GRAMD2B: variants seen among roughly 807,000 people sequenced by gnomAD.
The protein encoded by GRAMD2B is GRAM domain containing 2B.
In GRAMD2B, 41 loss-of-function variants were observed where a neutral mutation model predicts 59.2. The observed-to-expected ratio is 0.69, with a 90% CI of 0.54 to 0.90. The LOEUF is 0.90. Among genes scored for constraint, GRAMD2B ranks in the 40% least tolerant of loss-of-function variants. GRAMD2B has a pLI of 0.00. For missense variants in GRAMD2B, 424 were observed against 500.5 expected (o/e 0.85, Z 1.46); for synonymous variants, 161 against 182.7 (o/e 0.88, Z 0.96).
intron 1 of GRAMD2B, chr5:126,458,888 G>A (rs764187173): frequency 4.6e-5 from 7 of 152,152 alleles, no homozygotes; most frequent in African/African-American, 7.2e-5. Context: ...CTTATCCCCC[G>A]TTGATGCCTA....
intron 1 of GRAMD2B, 74 bp downstream of exon 1, chr5:126,423,763 A>T (rs1760080340): frequency 6.9e-7 from 1 of 1,451,078 alleles, no homozygotes; most frequent in Admixed American, 2.6e-5. Context: ...CCCGGGACGC[A>T]TTTTGGGTGG....
intron 1 of GRAMD2B, among the ~76,000 whole-genome samples, chr5:126,447,365 G>A (rs542536751): frequency 6.0e-4 from 91 of 152,288 alleles, no homozygotes; most frequent in African/African-American, 2.0e-3. Context: ...CCCTGGGCTA[G>A]AAATCAGAAA....
exon 1 of GRAMD2B, chr5:126,371,515 A>T (rs567069689): frequency 2.3e-6 from 3 of 1,289,270 alleles, no homozygotes; most frequent in African/African-American, 1.5e-5. Context: ...AAGGAAGGCC[A>T]ACGTGGAGGC....
upstream of GRAMD2B, among the ~76,000 whole-genome samples, chr5:126,367,599 TATA>T (rs1203317851): frequency 6.6e-6 from 1 of 152,202 alleles, no homozygotes; most frequent in African/African-American, 2.4e-5. Flanking sequence ...AATGCTCGGA[TATA>T]ATAACCAAAG....
intron 1 of GRAMD2B, among the ~76,000 whole-genome samples, chr5:126,435,018 T>C (rs919636226): frequency 6.6e-6 from 1 of 152,208 alleles, no homozygotes; most frequent in Admixed American, 6.5e-5. Context: ...GATCTGAGTT[T>C]GACACTGTAC....
intron 1 of GRAMD2B, among the ~76,000 whole-genome samples, chr5:126,428,982 T>C (rs781580011): frequency 3.3e-5 from 5 of 152,156 alleles, no homozygotes; most frequent in Admixed American, 2.0e-4. Context: ...AGTGTGGCAA[T>C]TCCTCAAATA....
intron 1 of GRAMD2B, among the ~76,000 whole-genome samples, chr5:126,455,745 A>G (rs1041906753): frequency 3.3e-5 from 5 of 152,234 alleles, no homozygotes; most frequent in Non-Finnish European, 4.4e-5. Flanking sequence ...GTACTGAAAT[A>G]TATTTCTGAC....
At chr5:126,459,986 T>C (rs939355299) in intron 1 of GRAMD2B, among the ~76,000 whole-genome samples, 2 of 152,234 alleles carry the variant, frequency 1.3e-5, no homozygotes, top group African/African-American at 4.8e-5. Flanking sequence ...ATGTTGTTAG[T>C]ATTTGCAAAA....
At chr5:126,360,394 G>T in exon 1 of GRAMD2B, 1 of 1,551,416 alleles carries the variant, frequency 6.4e-7, no homozygotes, top group Non-Finnish European at 8.7e-7. Flanking sequence ...TCCAAGCACA[G>T]CTTATGCCCT....
At chr5:126,379,369 T>C (rs1755468449) in intron 1 of GRAMD2B, among the ~76,000 whole-genome samples, 1 of 152,194 alleles carries the variant, frequency 6.6e-6, no homozygotes, top group African/African-American at 2.4e-5. Flanking sequence ...TAAACATGTA[T>C]ATGCAAGTAT....
intron 1 of GRAMD2B, among the ~76,000 whole-genome samples, chr5:126,390,417 A>G (rs1756624130): frequency 2.0e-5 from 3 of 152,264 alleles, no homozygotes; most frequent in Admixed American, 2.0e-4. Flanking sequence ...ATGTAGTTAT[A>G]TAAATGGCCA....
intron 1 of GRAMD2B, among the ~76,000 whole-genome samples, chr5:126,463,649 G>C (rs1767763084): frequency 6.6e-6 from 1 of 152,194 alleles, no homozygotes; most frequent in South Asian, 2.1e-4. Flanking sequence ...AAAAATTGAA[G>C]AAATAGAAGG....
upstream of GRAMD2B, among the ~76,000 whole-genome samples, chr5:126,418,920 T>C (rs997692356): frequency 2.0e-5 from 3 of 152,218 alleles, no homozygotes; most frequent in Non-Finnish European, 4.4e-5. Context: ...CTTTTACTTA[T>C]AAAATATCAT....
rs553828650 is a variant in GRAMD2B, at chr5:126,475,088, A to G, written c.486+1720A>G. Among the ~76,000 whole-genome samples, 15 of 152,206 alleles carry G rather than the reference A, an allele frequency of 9.9e-5. No individual in the cohort carries two copies. The East Asian group carries it at 1.7e-3, about 18-fold the overall frequency. On this transcript the variant is annotated intron_variant, in intron 5 of 13. Transcript: ENST00000285689. ...CTTTCCAATCAAGTTCCCCTTCTAA[A>G]GCAGTTTACCCTGGAAAAATGTTAC...
intron 2 of GRAMD2B, 113 bp from the exon 3 acceptor site, chr5:126,469,564 C>G: frequency 1.4e-6 from 1 of 708,208 alleles, no homozygotes; most frequent in Non-Finnish European, 2.5e-6. Flanking sequence ...GAGTCCTGGA[C>G]GGGGAGGTTG....
At chr5:126,434,382 A>G (rs532191324) in intron 1 of GRAMD2B, among the ~76,000 whole-genome samples, 1 of 152,238 alleles carries the variant, frequency 6.6e-6, no homozygotes, top group South Asian at 2.1e-4. Context: ...CTTCTACTCT[A>G]TTGTACATTA....
intron 1 of GRAMD2B, among the ~76,000 whole-genome samples, chr5:126,437,854 G>A (rs1403052413): frequency 6.6e-6 from 1 of 152,106 alleles, no homozygotes; most frequent in Non-Finnish European, 1.5e-5. Context: ...TGAGCATGAG[G>A]GCCAGACTCT....
intron 1 of GRAMD2B, among the ~76,000 whole-genome samples, chr5:126,390,063 A>T (rs1580749749): frequency 6.6e-6 from 1 of 152,370 alleles, no homozygotes; most frequent in East Asian, 1.9e-4. Flanking sequence ...TGAGTTGTTT[A>T]TATAAAAATT....
In GRAMD2B at chr5:126,371,556, G is replaced by C. The variant is rs35148783; in HGVS notation, c.114G>C (p.Ser38=). 4.7e-6 allele frequency: 6 copies of C among 1,288,628 alleles called. No individual in the cohort carries two copies. In the South Asian group the frequency reaches 6.2e-5, roughly 13 times the overall value. The allele number at this position is 1,288,628 out of a possible 1,614,324, so 79.8% of individuals were successfully genotyped here. ...GCAGCTCCACAGACAGCCCCAGCTC[G>C]GTGTTCCTCAGGTGGGTACAGCCTG... Residue 38 remains serine (S), a synonymous_variant, in exon 1 of 9, where the codon TCG becomes TCC. Coordinates refer to the GRAMD2B transcript ENST00000506445.
Sources: allele counts gnomAD v4.1 joint callset (sites outside exome capture counted in the v4.1 genomes callset), GRCh38; gene constraint gnomAD v4.1.1; transcripts MANE v1.5; gene names NCBI Gene and HGNC (gene_info 2026-07-23, HGNC 2026-07-21).